The following SLC44A5 variants were observed in gnomAD, a reference collection of about 807,000 sequenced individuals.
The protein encoded by SLC44A5 is solute carrier family 44 member 5, also known as choline transporter-like protein 5.
SLC44A5 carries 57 observed loss-of-function variants against 101.8 expected under a neutral mutation model. The observed-to-expected ratio is 0.56, with a 90% CI of 0.45 to 0.70. The LOEUF is 0.70. SLC44A5 is among the 30% of genes least tolerant of loss of function. The pLI is 0.00. For missense variants in SLC44A5, 737 were observed against 853.1 expected, an observed-to-expected ratio of 0.86 and a Z score of 1.70; for synonymous variants, 281 against 290.9, an observed-to-expected ratio of 0.97 and a Z score of 0.35.
the SLC44A5 span, among the ~76,000 whole-genome samples, chr1:75,698,387 G>A: frequency 6.6e-6 from 1 of 152,242 alleles, no homozygotes; most frequent in Non-Finnish European, 1.5e-5. Context: ...TCCCCAGCAG[G>A]GGCAGACTGA....
chr1:75,541,597 C>A, intron 1 of SLC44A5, 81 bp from the exon 2 acceptor site: 2 of 832,144 alleles, frequency 2.4e-6, no homozygotes, highest in Admixed American at 2.7e-5. Context: ...TGGGAATGCT[C>A]TCATAACTTA....
intron 3 of SLC44A5, among the ~76,000 whole-genome samples, chr1:75,368,378 G>T (rs190821251): frequency 8.4e-4 from 128 of 152,278 alleles, no homozygotes; most frequent in African/African-American, 3.0e-3. Context: ...CAAAAAGTCT[G>T]CCCTCTATAT....
chr1:75,310,538 A>T (rs2100911386), intron 4 of SLC44A5, among the ~76,000 whole-genome samples: 1 of 152,194 alleles, frequency 6.6e-6, no homozygotes, highest in East Asian at 1.9e-4. Flanking sequence ...CAGCTTCTCT[A>T]CTAGCGGACA....
intron 2 of SLC44A5, among the ~76,000 whole-genome samples, chr1:75,437,360 A>G (rs1107148): frequency 0.17 from 26,166 of 152,066 alleles, 3,782 homozygotes; most frequent in East Asian, 0.8. Flanking sequence ...ATATTATGGG[A>G]CTATCACTGT....
chr1:75,610,921 A>ATG (rs1235861257), intron 1 of SLC44A5, 119 bp downstream of exon 1: 4 of 212,920 alleles, frequency 1.9e-5, no homozygotes, highest in African/African-American at 9.5e-5. Context: ...AGACTTCACT[A>ATG]TATATATGTG....
At chr1:75,648,723 A>C in the SLC44A5 span, among the ~76,000 whole-genome samples, 4 of 152,116 alleles carry the variant, frequency 2.6e-5, no homozygotes, top group Admixed American at 6.5e-5. Flanking sequence ...CAGGGGTTTT[A>C]GGAAATCTGA....
chr1:75,236,011 T>G (rs765083020), intron 11 of SLC44A5, among the ~76,000 whole-genome samples: 2 of 151,996 alleles, frequency 1.3e-5, no homozygotes, highest in Admixed American at 1.3e-4. Context: ...AAGTAAGTAA[T>G]TACATCTGGG....
At chr1:75,541,060 A>C (rs1220856982) in intron 2 of SLC44A5, among the ~76,000 whole-genome samples, 1 of 152,208 alleles carries the variant, frequency 6.6e-6, no homozygotes, top group Non-Finnish European at 1.5e-5. Context: ...GTTAAAACTA[A>C]AAGATTCTGG....
intron 4 of SLC44A5, among the ~76,000 whole-genome samples, chr1:75,309,835 C>T (rs1211807102): frequency 1.3e-5 from 2 of 152,138 alleles, no homozygotes; most frequent in Non-Finnish European, 2.9e-5. Context: ...CTCCTGTTCT[C>T]AAAGTGTTCA....
At chr1:75,536,600 C>CAAAA (rs1192432333) in intron 2 of SLC44A5, among the ~76,000 whole-genome samples, 3 of 32,334 alleles carry the variant, frequency 9.3e-5, no homozygotes, top group Admixed American at 3.9e-4. Flanking sequence ...GACTCCATCT[C>CAAAA]AAAAAAAAAA....
At chr1:75,535,154 G>C (rs914514511) in intron 2 of SLC44A5, among the ~76,000 whole-genome samples, 3 of 151,008 alleles carry the variant, frequency 2.0e-5, no homozygotes. Flanking sequence ...AAGGAAACCA[G>C]GATAACAGGC....
the SLC44A5 span, among the ~76,000 whole-genome samples, chr1:75,719,085 T>C: frequency 6.6e-6 from 1 of 152,148 alleles, no homozygotes; most frequent in African/African-American, 2.4e-5. Flanking sequence ...TGAAGTTGAC[T>C]GCAGAGAGCC....
At chr1:75,555,332 T>C (rs1381558804) in intron 1 of SLC44A5, among the ~76,000 whole-genome samples, 5 of 152,146 alleles carry the variant, frequency 3.3e-5, no homozygotes, top group Non-Finnish European at 7.4e-5. Context: ...ATGAAAATGT[T>C]CTATATCTTA....
intron 1 of SLC44A5, among the ~76,000 whole-genome samples, chr1:75,605,503 G>C (rs553548816): frequency 1.3e-5 from 2 of 152,158 alleles, no homozygotes; most frequent in African/African-American, 4.8e-5. Context: ...TGTAGAGTCA[G>C]AGCTTAACAA....
intron 3 of SLC44A5, among the ~76,000 whole-genome samples, chr1:75,394,773 T>C (rs911745845): frequency 6.6e-6 from 1 of 151,984 alleles, no homozygotes; most frequent in African/African-American, 2.4e-5. Flanking sequence ...AAATGTGGAG[T>C]GAATGAACCA....
intron 3 of SLC44A5, among the ~76,000 whole-genome samples, chr1:75,376,379 G>A (rs1487436097): frequency 6.6e-6 from 1 of 152,160 alleles, no homozygotes; most frequent in Non-Finnish European, 1.5e-5. Context: ...CCACCCCTGG[G>A]GGCAGGGCAC....
chr1:75,531,681 C>T (rs1670728750), intron 2 of SLC44A5, among the ~76,000 whole-genome samples: 1 of 152,204 alleles, frequency 6.6e-6, no homozygotes, highest in South Asian at 2.1e-4. Flanking sequence ...ATATTCATAT[C>T]TCCAATCTCT....
intron 3 of SLC44A5, among the ~76,000 whole-genome samples, chr1:75,342,107 A>G (rs1657928320): frequency 6.6e-6 from 1 of 152,204 alleles, no homozygotes; most frequent in South Asian, 2.1e-4. Context: ...GGTCATCATG[A>G]TGTGTATGAG....
intron 2 of SLC44A5, among the ~76,000 whole-genome samples, chr1:75,540,865 G>T (rs1240455162): frequency 6.6e-6 from 1 of 152,224 alleles, no homozygotes; most frequent in East Asian, 1.9e-4. Flanking sequence ...CCTAACCTAT[G>T]CCTGTAAGGG....
Sources: allele counts gnomAD v4.1 joint callset (sites outside exome capture counted in the v4.1 genomes callset), GRCh38; gene constraint gnomAD v4.1.1; transcripts MANE v1.5; gene names NCBI Gene and HGNC (gene_info 2026-07-23, HGNC 2026-07-21).